LARGE1: variants seen among roughly 807,000 people sequenced by gnomAD.
The protein encoded by LARGE1 is xylosyl- and glucuronyltransferase LARGE1.
LARGE1 carries 43 observed loss-of-function variants against 87.6 expected under a neutral mutation model. The ratio of observed to expected loss-of-function variants is 0.49; its 90% CI spans 0.38 to 0.63. The LOEUF (loss-of-function observed/expected upper bound fraction) is 0.63. Among genes scored for constraint, LARGE1 ranks in the 30% least tolerant of loss-of-function variants. The pLI, the probability that LARGE1 is intolerant of heterozygous loss-of-function variation, is 0.00. For synonymous variants in LARGE1, 434 were observed against 394.6 expected (o/e 1.10, Z -1.18); for missense variants, 802 against 1,000.2 (o/e 0.80, Z 2.67).
intron 6 of LARGE1, among the ~76,000 whole-genome samples, chr22:33,514,750 C>T (rs5754581): frequency 0.57 from 85,984 of 151,922 alleles, 24,588 homozygotes; most frequent in Admixed American, 0.65. Context: ...CTAGTCTACA[C>T]GTGGAGGAGA....
chr22:33,491,078 G>A (rs117636893), intron 6 of LARGE1, among the ~76,000 whole-genome samples: 1,590 of 152,254 alleles, frequency 0.01, 16 homozygotes, highest in Non-Finnish European at 0.015. Flanking sequence ...TGTTTACAAG[G>A]ATCTTCTCTT....
chr22:33,233,759 G>A (rs1283440893), intron 11 of LARGE1, among the ~76,000 whole-genome samples: 3 of 152,124 alleles, frequency 2.0e-5, no homozygotes, highest in African/African-American at 7.2e-5. Context: ...GGTAACCAAT[G>A]GAAATTTATA....
chr22:33,895,933 C>T (rs2065133069), intron 1 of LARGE1, among the ~76,000 whole-genome samples: 1 of 151,694 alleles, frequency 6.6e-6, no homozygotes, highest in South Asian at 2.1e-4. Context: ...GTAAAATACA[C>T]ATCACATAAA....
intron 6 of LARGE1, among the ~76,000 whole-genome samples, chr22:33,463,300 AC>A (rs2068454367): frequency 6.6e-6 from 1 of 152,126 alleles, no homozygotes; most frequent in Non-Finnish European, 1.5e-5. Flanking sequence ...AAATACAAAT[AC>A]AAAAAAAGCT....
intron 1 of LARGE1, among the ~76,000 whole-genome samples, chr22:33,835,751 C>T (rs1449921314): frequency 6.6e-6 from 1 of 152,198 alleles, no homozygotes; most frequent in Non-Finnish European, 1.5e-5. Context: ...GAAATTGAGG[C>T]ATACGGTTAA....
chr22:33,661,171 A>G (rs1413408546), intron 2 of LARGE1, among the ~76,000 whole-genome samples: 1 of 151,828 alleles, frequency 6.6e-6, no homozygotes, highest in African/African-American at 2.4e-5. Flanking sequence ...TAAGCCTCAA[A>G]CTGTCATTCT....
Position 33,889,290 on chromosome 22 carries a change from C to T in LARGE1, c.-83+30705G>A, listed in dbSNP as rs561087803. ...TTGCAAGTGTATGTCTGACAATTTT[C>T]GTGGCAAAGGTCCAGGAAGCTCCCT... is the stretch of plus-strand genomic sequence containing the variant. On this transcript the variant is annotated intron_variant, in intron 1 of 14. Coordinates refer to ENST00000397394, the MANE Select transcript of LARGE1 (RefSeq NM_133642.5). 1.1e-4 allele frequency: 17 copies of T among 152,294 alleles called. No individual in the cohort carries two copies. In the East Asian group the frequency reaches 2.9e-3, roughly 26 times the overall value. 9.4% of individuals were successfully genotyped at this position (152,294 alleles called of 1,614,324 possible).
chr22:33,659,125 C>T (rs1319570669), intron 2 of LARGE1, among the ~76,000 whole-genome samples: 4 of 152,338 alleles, frequency 2.6e-5, no homozygotes, highest in African/African-American at 9.6e-5. Flanking sequence ...TCTAGCCCAG[C>T]TGCCTGACTA....
At chr22:33,321,292 G>C (rs930336663) in intron 10 of LARGE1, among the ~76,000 whole-genome samples, 8 of 152,246 alleles carry the variant, frequency 5.3e-5, no homozygotes, top group Non-Finnish European at 1.2e-4. Context: ...ACCTGAAGGA[G>C]ACTGTATGGC....
At chr22:33,589,215 C>T (rs1416874259) in intron 5 of LARGE1, among the ~76,000 whole-genome samples, 5 of 152,170 alleles carry the variant, frequency 3.3e-5, no homozygotes, top group African/African-American at 9.7e-5. Context: ...GGTCTAGCTG[C>T]CTCTACTCTC....
intron 1 of LARGE1, among the ~76,000 whole-genome samples, chr22:33,776,756 G>C (rs752629969): frequency 2.3e-4 from 35 of 152,330 alleles, no homozygotes; most frequent in Admixed American, 1.6e-3. Flanking sequence ...CTAACGTGCA[G>C]TGTATTGTTC....
intron 9 of LARGE1, among the ~76,000 whole-genome samples, chr22:33,375,542 G>A (rs986887942): frequency 6.6e-6 from 1 of 152,004 alleles, no homozygotes; most frequent in Non-Finnish European, 1.5e-5. Flanking sequence ...GCAACAATTG[G>A]TTATATCATC....
intron 6 of LARGE1, among the ~76,000 whole-genome samples, chr22:33,462,679 G>A (rs1218989596): frequency 6.6e-6 from 1 of 152,176 alleles, no homozygotes; most frequent in African/African-American, 2.4e-5. Context: ...TACTCAGGAG[G>A]CTGAGGCAGG....
At chr22:33,652,543 A>G (rs1364393611) in intron 2 of LARGE1, among the ~76,000 whole-genome samples, 1 of 152,060 alleles carries the variant, frequency 6.6e-6, no homozygotes, top group African/African-American at 2.4e-5. Flanking sequence ...AGCTACATTT[A>G]CAGCCACCTC....
chr22:33,791,532 T>C lies in LARGE1; in HGVS notation c.-82-29974A>G, dbSNP rs952404359. ...ATTATGCCTCTTTGGTTTCATTTTG[T>C]GTTTAGAAATGTTGCTGCCTAAAGG... is the stretch of plus-strand genomic sequence containing the variant. On this transcript the variant is annotated intron_variant, in intron 1 of 14. Coordinates refer to ENST00000397394, the MANE Select transcript of LARGE1 (RefSeq NM_133642.5). 7.2e-5 allele frequency among the ~76,000 whole-genome samples: 11 copies of C among 152,340 alleles called. No individual in the cohort carries two copies. In the Middle Eastern group the frequency reaches 0.01, roughly 141 times the overall value.
chr22:33,423,606 G>A (rs981877126), intron 7 of LARGE1, among the ~76,000 whole-genome samples: 10 of 150,898 alleles, frequency 6.6e-5, no homozygotes, highest in South Asian at 2.1e-4. Flanking sequence ...CTTGAACCCC[G>A]GAGACGAAGG....
rs529511123 is a variant in LARGE1, at chr22:33,706,068, C to T, written c.106+55303G>A. 3.1e-4 allele frequency among the ~76,000 whole-genome samples: 47 copies of T among 152,272 alleles called. 2 individuals are homozygous for T. Among genetic ancestry groups the T allele is most frequent in the Admixed American group, 2.0e-4 (3 of 15,300 alleles). ...GCTGGCTCCTAACAGTTAACTGCCC[C>T]GGTGGGCGACAAGAAAGAAGGTTTC... On this transcript the variant is annotated intron_variant, in intron 2 of 14. Transcript: ENST00000397394.
chr22:33,588,436 A>G (rs1289309222), intron 5 of LARGE1, among the ~76,000 whole-genome samples: 2 of 152,258 alleles, frequency 1.3e-5, no homozygotes, highest in Admixed American at 1.3e-4. Flanking sequence ...TTCAGGTAAC[A>G]TAGTGAACTA....
chr22:33,341,457 G>A lies in LARGE1; in HGVS notation c.1132-3656C>T, dbSNP rs560022802. Among the ~76,000 whole-genome samples, 8 of 152,196 alleles carry A rather than the reference G, an allele frequency of 5.3e-5. No homozygotes were observed. In the South Asian group the frequency reaches 1.4e-3, roughly 28 times the overall value. Reference sequence around the variant, plus strand: ...CTATGAGAGTCTGCAGCAGGGTCCAGAGCCTGCCATCTGAAGAGAGGACTG... The same window carrying A: ...CTATGAGAGTCTGCAGCAGGGTCCAAAGCCTGCCATCTGAAGAGAGGACTG... On this transcript the variant is annotated intron_variant, in intron 9 of 14. Coordinates refer to ENST00000397394, the MANE Select transcript of LARGE1 (RefSeq NM_133642.5).
Sources: allele counts gnomAD v4.1 joint callset (sites outside exome capture counted in the v4.1 genomes callset), GRCh38; gene constraint gnomAD v4.1.1; transcripts MANE v1.5; gene names NCBI Gene and HGNC (gene_info 2026-07-23, HGNC 2026-07-21).